SLC25A13: variants seen among roughly 807,000 people sequenced by gnomAD.
SLC25A13 encodes the protein electrogenic aspartate/glutamate antiporter SLC25A13, mitochondrial.
In SLC25A13, 70 loss-of-function variants were observed where a neutral mutation model predicts 85.5. That is an observed-to-expected ratio of 0.82 (90% CI 0.68 to 1.00). SLC25A13 has a LOEUF of 1.00. Among genes scored for constraint, SLC25A13 ranks in the 50% least tolerant of loss-of-function variants. SLC25A13 has a pLI of 0.00. For missense variants in SLC25A13, 765 were observed against 819.8 expected, an observed-to-expected ratio of 0.93 and a Z score of 0.82; for synonymous variants, 259 against 288.7, an observed-to-expected ratio of 0.90 and a Z score of 1.04.
In SLC25A13 at chr7:96,161,292, C is replaced by G. The variant is rs2116540062; in HGVS notation, c.1311+8753G>C. ...ATGGAATACTTTCTTGTGAAATATC[C>G]TGGATATGCAGACACCTAGCCATGG... On this transcript the variant is annotated intron_variant, in intron 13 of 17. Coordinates refer to ENST00000265631, the MANE Select transcript of SLC25A13 (RefSeq NM_014251.3). Among the ~76,000 whole-genome samples, 3 of 152,178 alleles carry G rather than the reference C, an allele frequency of 2.0e-5. No homozygotes were observed. In the Middle Eastern group the frequency reaches 0.01, roughly 518 times the overall value.
intron 3 of SLC25A13, among the ~76,000 whole-genome samples, chr7:96,256,463 A>T (rs1797640230): frequency 6.6e-6 from 1 of 152,174 alleles, no homozygotes; most frequent in Admixed American, 6.5e-5. Context: ...AGATCCAAAA[A>T]GACAAAGAAG....
chr7:96,278,250 A>G (rs550459701), intron 2 of SLC25A13, among the ~76,000 whole-genome samples: 1 of 152,250 alleles, frequency 6.6e-6, no homozygotes, highest in East Asian at 1.9e-4. Flanking sequence ...TTGGGGACTG[A>G]GGAGGCAAGG....
chr7:96,129,603 T>C (rs983730569), intron 15 of SLC25A13, among the ~76,000 whole-genome samples: 3 of 152,352 alleles, frequency 2.0e-5, no homozygotes, highest in Admixed American at 2.0e-4. Context: ...AAGTTTTAAA[T>C]AATATGTAAT....
chr7:96,304,990 A>T (rs1166895154), intron 1 of SLC25A13, among the ~76,000 whole-genome samples: 1 of 152,236 alleles, frequency 6.6e-6, no homozygotes, highest in East Asian at 1.9e-4. Flanking sequence ...ATCACTTATT[A>T]TTAATTATAA....
chr7:96,317,064 G>A (rs558450595), intron 1 of SLC25A13, among the ~76,000 whole-genome samples: 4 of 152,268 alleles, frequency 2.6e-5, no homozygotes, highest in South Asian at 4.1e-4. Context: ...CCGCCTCCCA[G>A]GTTGAAGCAA....
In SLC25A13 at chr7:96,189,344, G is replaced by C. The variant is rs778893487; in HGVS notation, c.883C>G (p.Pro295Ala). The C allele has an allele frequency of 1.9e-6, 3 of 1,614,054 alleles. No individual in the cohort carries two copies. The highest frequency in any genetic ancestry group is 1.7e-6 in the Non-Finnish European group (2 of 1,180,038). The stretch of plus-strand genomic sequence containing the variant: ...AAGGGCAGAGTTCCCTCTTCCAGAG[G>C]AGCAATCCGTTCAATGTCTGCTAAG... ...MTLADIERIA[P>A]LEEGTLPFNL... Residue 295 changes from proline (P) to alanine (A), a missense_variant, in exon 9 of 18, where the codon CCT (proline) becomes GCT (alanine). By Grantham distance (27) the Pro-to-Ala change is conservative. Transcript: ENST00000265631.
rs1286741412 is a variant in SLC25A13, at chr7:96,121,184, G to A, written c.*7C>T. ...AAAAAGACAGCACTATCCCAGGGCT[G>A]ATCTTCCTATGGGCCTCCACCAATA... On this transcript the variant is annotated 3_prime_UTR_variant, in exon 18 of 18. Transcript: ENST00000265631. The A allele has an allele frequency of 1.2e-6, 2 of 1,614,066 alleles. No individual in the cohort carries two copies. The highest frequency in any genetic ancestry group is 1.7e-5 in the Admixed American group (1 of 60,024).
At chr7:96,205,263 CA>C (rs1318687815) in intron 5 of SLC25A13, among the ~76,000 whole-genome samples, 6 of 152,106 alleles carry the variant, frequency 3.9e-5, no homozygotes, top group African/African-American at 9.7e-5. Context: ...AAAATTTCTC[CA>C]AATTATTTTC....
intron 15 of SLC25A13, among the ~76,000 whole-genome samples, chr7:96,131,235 G>T (rs1386455152): frequency 6.6e-6 from 1 of 152,188 alleles, no homozygotes; most frequent in Non-Finnish European, 1.5e-5. Context: ...ATTTCCATCT[G>T]TGATTTAATT....
chr7:96,218,571 AAATT>A (rs1363117637), intron 4 of SLC25A13, among the ~76,000 whole-genome samples: 9 of 152,342 alleles, frequency 5.9e-5, no homozygotes, highest in Middle Eastern at 3.4e-3. Flanking sequence ...CAGAATAACT[AAATT>A]AATGCATTTT....
chr7:96,129,024 T>C (rs1158862048), intron 15 of SLC25A13, among the ~76,000 whole-genome samples: 2 of 149,808 alleles, frequency 1.3e-5, no homozygotes, highest in African/African-American at 4.9e-5. Context: ...TGTGAGGGTA[T>C]CCAAGTTGAC....
intron 4 of SLC25A13, among the ~76,000 whole-genome samples, chr7:96,230,853 A>G (rs941272523): frequency 6.6e-6 from 1 of 152,238 alleles, no homozygotes; most frequent in Admixed American, 6.5e-5. Context: ...TCACACCTGT[A>G]ATCCCAACAC....
chr7:96,279,172 T>G (rs1156378897), intron 2 of SLC25A13, among the ~76,000 whole-genome samples: 2 of 152,224 alleles, frequency 1.3e-5, no homozygotes, highest in African/African-American at 2.4e-5. Flanking sequence ...TGTACCAATT[T>G]ACACTCCCAC....
At chr7:96,165,829 T>C (rs1793716933) in intron 13 of SLC25A13, among the ~76,000 whole-genome samples, 1 of 152,214 alleles carries the variant, frequency 6.6e-6, no homozygotes, top group Non-Finnish European at 1.5e-5. Context: ...CCAATCTAAG[T>C]GGTAGGCACA....
At chr7:96,218,974 T>C (rs1302681779) in intron 4 of SLC25A13, among the ~76,000 whole-genome samples, 1 of 152,152 alleles carries the variant, frequency 6.6e-6, no homozygotes, top group East Asian at 1.9e-4. Flanking sequence ...AAAAGACAAA[T>C]TGTTGAATTC....
chr7:96,254,119 CAT>C, intron 3 of SLC25A13, among the ~76,000 whole-genome samples: 1 of 152,186 alleles, frequency 6.6e-6, no homozygotes, highest in African/African-American at 2.4e-5. Flanking sequence ...TCGATAGCAA[CAT>C]GTGGTAGTCA....
chr7:96,156,664 G>A (rs760122407), intron 13 of SLC25A13, among the ~76,000 whole-genome samples: 2 of 151,948 alleles, frequency 1.3e-5, no homozygotes, highest in Non-Finnish European at 2.9e-5. Context: ...TGTTAGCCAC[G>A]ATGGTCTCAA....
chr7:96,216,710 A>G (rs1013668144), intron 4 of SLC25A13, among the ~76,000 whole-genome samples: 1 of 152,170 alleles, frequency 6.6e-6, no homozygotes, highest in Non-Finnish European at 1.5e-5. Flanking sequence ...GAACACACGG[A>G]CACAGAGGAG....
intron 13 of SLC25A13, among the ~76,000 whole-genome samples, chr7:96,168,129 A>AAAAAAAAG (rs1562810139): frequency 1.4e-5 from 2 of 143,570 alleles, no homozygotes; most frequent in Admixed American, 6.9e-5. Flanking sequence ...AAAAAAAAAA[A>AAAAAAAAG]GCACGTGTGC....
Sources: gnomAD v4.1 joint callset for allele counts (sites outside exome capture counted in the v4.1 genomes callset) on GRCh38, gnomAD v4.1.1 for gene constraint, MANE v1.5 for transcripts, NCBI Gene and HGNC (gene_info 2026-07-23, HGNC 2026-07-21) for gene names.